Variants in ABCB11 observed in about 807,000 individuals in gnomAD.
ABCB11 encodes the protein ATP binding cassette subfamily B member 11.
ABCB11 carries 95 observed loss-of-function variants against 148.0 expected under a neutral mutation model. The observed-to-expected ratio is 0.64, with a 90% CI of 0.54 to 0.76. The LOEUF is 0.76. Ranked by LOEUF, ABCB11 falls within the 30% of genes least tolerant of loss-of-function variation. The pLI is 0.00. For synonymous variants in ABCB11, 591 were observed against 555.4 expected, an observed-to-expected ratio of 1.06 and a Z score of -0.90; for missense variants, 1,523 against 1,617.8, an observed-to-expected ratio of 0.94 and a Z score of 1.01.
Position 168,973,757 on chromosome 2 carries a change from T to C in ABCB11, c.1392A>G (p.Ala464=). The C allele has an allele frequency of 6.2e-7, 1 of 1,612,358 alleles. No individual in the cohort carries two copies. The highest frequency in any genetic ancestry group is 8.5e-7 in the Non-Finnish European group (1 of 1,178,736). The change falls in exon 13 of 28, where the codon GCA becomes GCG. Residue 464 remains alanine, a synonymous_variant. Transcript: ENST00000650372. The part of the protein sequence containing the change: ...VGPSGAGKST[A]LQLIQRFYDP... ...CATAGAATCGCTGAATGAGTTGCAGTGCTGTACTTTTTCCAGCTCCACTGG... is the reference window on the plus strand; with the variant it reads ...CATAGAATCGCTGAATGAGTTGCAGCGCTGTACTTTTTCCAGCTCCACTGG...
chr2:168,967,692 GA>G (rs202231169), intron 17 of ABCB11, among the ~76,000 whole-genome samples: 3 of 151,018 alleles, frequency 2.0e-5, no homozygotes, highest in African/African-American at 4.9e-5. Flanking sequence ...TCTGACTTAA[GA>G]AAAAAAAATC....
intron 10 of ABCB11, among the ~76,000 whole-genome samples, chr2:168,980,708 G>A (rs1226130407): frequency 1.3e-5 from 2 of 152,098 alleles, no homozygotes; most frequent in Non-Finnish European, 2.9e-5. Flanking sequence ...CCTGTTGCTG[G>A]CTATATGCAG....
intron 25 of ABCB11, 105 bp from the exon 26 acceptor site, chr2:168,927,467 A>G: frequency 2.2e-6 from 2 of 905,742 alleles, no homozygotes; most frequent in African/African-American, 1.7e-5. Flanking sequence ...GGTTTGCTTA[A>G]CAGACTAACA....
chr2:168,941,441 C>G (rs1692056098), intron 21 of ABCB11, among the ~76,000 whole-genome samples: 1 of 152,006 alleles, frequency 6.6e-6, no homozygotes, highest in Non-Finnish European at 1.5e-5. Context: ...GAGGGAGTAA[C>G]TGCAGATGTC....
chr2:169,024,928 T>A (rs921210457), intron 1 of ABCB11, among the ~76,000 whole-genome samples: 1 of 152,182 alleles, frequency 6.6e-6, no homozygotes, highest in Non-Finnish European at 1.5e-5. Context: ...CAAAGTTATT[T>A]TATTCAAGAA....
chr2:168,976,612 C>T lies in ABCB11; in HGVS notation c.1273G>A (p.Val425Met). ...RIKGEIEFHN[V>M]TFHYPSRPEV... is the part of the protein sequence containing the mutation. ...GGTCTGGAAGGATAATGGAAGGTCA[C>T]ATTATGGAATTCAATTTCACCCTTG... The change falls in exon 12 of 28, where the codon GTG becomes ATG. Residue 425 changes from valine to methionine, a missense_variant. By Grantham distance (21) the Val-to-Met change is conservative (BLOSUM62 1). Transcript: ENST00000650372. 6.2e-7 allele frequency: 1 copy of T among 1,608,692 alleles called. No homozygotes were observed. The highest frequency in any genetic ancestry group is 8.5e-7 in the Non-Finnish European group (1 of 1,176,076).
Position 168,930,645 on chromosome 2 carries a change from A to C in ABCB11, c.3411+20T>G, listed in dbSNP as rs904619956. ...ATACTCTGCAGAAGGCAAAATTCTC[A>C]AAAAGGTTGCGTGGCTTACCACCTT... On this transcript the variant is annotated intron_variant, in intron 25 of 27. Coordinates refer to ENST00000650372, the MANE Select transcript of ABCB11 (RefSeq NM_003742.4). 2.0e-6 allele frequency: 3 copies of C among 1,472,194 alleles called. No individual in the cohort carries two copies. In the African/African-American group the frequency reaches 4.2e-5, roughly 21 times the overall value. The allele number at this position is 1,472,194 out of a possible 1,614,324, so 91.2% of individuals were successfully genotyped here. A position where few individuals can be genotyped will look rare whatever the true frequency, so the allele number is the denominator to read the frequency against.
intron 3 of ABCB11, among the ~76,000 whole-genome samples, chr2:169,015,756 G>A (rs1695336381): frequency 6.6e-6 from 1 of 151,952 alleles, no homozygotes; most frequent in Non-Finnish European, 1.5e-5. Context: ...TAGCTACCAT[G>A]CTATACATTT....
intron 9 of ABCB11, among the ~76,000 whole-genome samples, chr2:168,987,161 A>C (rs1694353995): frequency 6.6e-6 from 1 of 152,144 alleles, no homozygotes; most frequent in Non-Finnish European, 1.5e-5. Context: ...AGAGGTTGTA[A>C]ATCCTATTCT....
intron 19 of ABCB11, among the ~76,000 whole-genome samples, chr2:168,949,777 T>C (rs539343377): frequency 6.6e-6 from 1 of 151,664 alleles, no homozygotes; most frequent in South Asian, 2.1e-4. Context: ...TGGGTGAGTC[T>C]GTGAGGGTGT....
At chr2:168,935,549 A>G in intron 22 of ABCB11, 124 bp from the exon 23 acceptor site, 1 of 1,275,888 alleles carries the variant, frequency 7.8e-7, no homozygotes. Flanking sequence ...AGAATGCATC[A>G]TCTGGGAATA....
intron 21 of ABCB11, among the ~76,000 whole-genome samples, chr2:168,941,026 C>T (rs766454925): frequency 2.0e-5 from 3 of 152,080 alleles, no homozygotes; most frequent in Non-Finnish European, 4.4e-5. Flanking sequence ...CGCACCTAGT[C>T]ACCCAGGTGC....
intron 5 of ABCB11, among the ~76,000 whole-genome samples, chr2:169,005,650 GAC>G (rs1573968585): frequency 2.0e-5 from 3 of 152,210 alleles, no homozygotes; most frequent in Admixed American, 2.0e-4. Flanking sequence ...AAAGCAAGCG[GAC>G]ACACAGTTTT....
Position 168,969,565 on chromosome 2 carries a change from C to G in ABCB11, c.1810-14G>C. ...CCCATGCTGAATCTGTAAGAATGTA[C>G]AGTGCACCATTAAACAAAACTGTGA... On this transcript the variant is annotated splice_polypyrimidine_tract_variant and intron_variant, in intron 15 of 27. Coordinates refer to ENST00000650372, the MANE Select transcript of ABCB11 (RefSeq NM_003742.4). The G allele has an allele frequency of 6.2e-7, 1 of 1,608,034 alleles. No homozygotes were observed. Among genetic ancestry groups the G allele is most frequent in the East Asian group, 2.2e-5 (1 of 44,586 alleles).
chr2:168,994,033 T>C (rs1199127116), intron 7 of ABCB11, among the ~76,000 whole-genome samples, 151 bp from the exon 8 acceptor site: 2 of 152,052 alleles, frequency 1.3e-5, no homozygotes, highest in Non-Finnish European at 2.9e-5. Context: ...CTTGGAAAAT[T>C]TGCTGCACCT....
intron 5 of ABCB11, among the ~76,000 whole-genome samples, chr2:169,010,733 C>T (rs2106042042): frequency 6.6e-6 from 1 of 152,126 alleles, no homozygotes; most frequent in African/African-American, 2.4e-5. Context: ...GTGATCTTAC[C>T]ATAAAACAGC....
chr2:168,935,489 G>A, intron 22 of ABCB11, 64 bp from the exon 23 acceptor site: 3 of 1,546,960 alleles, frequency 1.9e-6, no homozygotes, highest in Non-Finnish European at 2.6e-6. Context: ...TGACATTTCA[G>A]TGGCTGCCTG....
intron 14 of ABCB11, among the ~76,000 whole-genome samples, chr2:168,970,969 T>G (rs1391854185): frequency 6.6e-6 from 1 of 152,016 alleles, no homozygotes. Context: ...TTCTAAAGCT[T>G]TATACTCTTT....
chr2:168,940,291 GA>G (rs1010610038), intron 21 of ABCB11, among the ~76,000 whole-genome samples: 11 of 150,890 alleles, frequency 7.3e-5, no homozygotes, highest in Non-Finnish European at 1.2e-4. Flanking sequence ...TGTGAATGCA[GA>G]AAAAAAAAGT....
Sources: gnomAD v4.1 joint callset for allele counts (sites outside exome capture counted in the v4.1 genomes callset) on GRCh38, gnomAD v4.1.1 for gene constraint, MANE v1.5 for transcripts, NCBI Gene and HGNC (gene_info 2026-07-23, HGNC 2026-07-21) for gene names.